TSHZ2: variants seen among roughly 807,000 people sequenced by gnomAD.
The protein encoded by TSHZ2 is teashirt homolog 2.
Under a neutral mutation model 74.4 loss-of-function variants are expected in TSHZ2, and 21 were observed. The ratio of observed to expected loss-of-function variants is 0.28; its 90% CI spans 0.20 to 0.41. The LOEUF (loss-of-function observed/expected upper bound fraction) is 0.41. Among genes scored for constraint, TSHZ2 ranks in the 10% least tolerant of loss-of-function variants. TSHZ2 has a pLI of 1.00. For synonymous variants in TSHZ2, 540 were observed against 515.3 expected, an observed-to-expected ratio of 1.05 and a Z score of -0.65; for missense variants, 1,244 against 1,293.5, an observed-to-expected ratio of 0.96 and a Z score of 0.59.
At chr20:53,094,238 A>G (rs1568756190) in intron 1 of TSHZ2, among the ~76,000 whole-genome samples, 1 of 152,218 alleles carries the variant, frequency 6.6e-6, no homozygotes, top group Non-Finnish European at 1.5e-5. Flanking sequence ...CAACTACTGT[A>G]CTAAGTCATA....
chr20:53,210,251 T>C (rs1300708608), intron 1 of TSHZ2, among the ~76,000 whole-genome samples: 1 of 152,230 alleles, frequency 6.6e-6, no homozygotes, highest in South Asian at 2.1e-4. Flanking sequence ...ACCAGCTCAA[T>C]GGACCCTCTG....
At chr20:53,378,463 G>GA (rs908736275) in intron 2 of TSHZ2, among the ~76,000 whole-genome samples, 20 of 150,460 alleles carry the variant, frequency 1.3e-4, no homozygotes, top group Admixed American at 4.6e-4. Context: ...CTGGAAGCCA[G>GA]AAAAAAAAAC....
chr20:53,462,477 T>TTTTG (rs1361885954), intron 2 of TSHZ2, among the ~76,000 whole-genome samples: 1 of 152,120 alleles, frequency 6.6e-6, no homozygotes, highest in African/African-American at 2.4e-5. Context: ...TCAATAAAGC[T>TTTTG]TTTGTTGTTA....
At chr20:53,106,990 G>A (rs1053637886) in intron 1 of TSHZ2, among the ~76,000 whole-genome samples, 2 of 152,062 alleles carry the variant, frequency 1.3e-5, no homozygotes, top group Admixed American at 1.3e-4. Flanking sequence ...GAGCCACCGC[G>A]CCTGGCCCTT....
chr20:53,005,494 G>A (rs1475011995), intron 1 of TSHZ2, among the ~76,000 whole-genome samples: 1 of 152,142 alleles, frequency 6.6e-6, no homozygotes, highest in African/African-American at 2.4e-5. Flanking sequence ...TACCACTGCT[G>A]TCCCCAGGCA....
At chr20:53,244,145 G>T (rs1213796919) in intron 1 of TSHZ2, among the ~76,000 whole-genome samples, 1 of 151,974 alleles carries the variant, frequency 6.6e-6, no homozygotes, top group Non-Finnish European at 1.5e-5. Context: ...AAATACAGAT[G>T]GTGCAGCAGC....
At chr20:53,475,001 C>G (rs200768431) in intron 2 of TSHZ2, among the ~76,000 whole-genome samples, 9,584 of 137,088 alleles carry the variant, frequency 0.07, 1,116 homozygotes, top group East Asian at 0.18. Context: ...CACCCAGATT[C>G]ATAAAGCAAG....
At chr20:53,095,837 C>T (rs1307483152) in intron 1 of TSHZ2, among the ~76,000 whole-genome samples, 1 of 152,144 alleles carries the variant, frequency 6.6e-6, no homozygotes, top group Admixed American at 6.5e-5. Context: ...GAACCACTGC[C>T]TACTGTTACA....
chr20:53,320,976 A>G lies in TSHZ2; in HGVS notation c.*8+64405A>G, dbSNP rs937288121. Among the ~76,000 whole-genome samples, 37 of 152,224 alleles carry G rather than the reference A, an allele frequency of 2.4e-4. 1 individual carries two copies. The highest frequency in any genetic ancestry group is 2.0e-3 in the Admixed American group (30 of 15,276). On this transcript the variant is annotated intron_variant, in intron 2 of 2. Coordinates refer to ENST00000371497, the MANE Select transcript of TSHZ2 (RefSeq NM_173485.6). ...TAAACTTTTCTCTAGACAAATTAGAAACATAAGTCCCAGTAGAAATGAGAT... is the reference window on the plus strand; with the variant it reads ...TAAACTTTTCTCTAGACAAATTAGAGACATAAGTCCCAGTAGAAATGAGAT...
chr20:53,364,552 T>G (rs1228797670), intron 2 of TSHZ2, among the ~76,000 whole-genome samples: 1 of 152,198 alleles, frequency 6.6e-6, no homozygotes, highest in East Asian at 1.9e-4. Flanking sequence ...CCAGCCAGTT[T>G]TCTCTTCTTC....
chr20:52,997,010 C>T (rs543739416), intron 1 of TSHZ2, among the ~76,000 whole-genome samples: 5 of 151,536 alleles, frequency 3.3e-5, no homozygotes, highest in East Asian at 2.1e-4. Flanking sequence ...CGCTCAAGCA[C>T]GAGGGGGTGG....
chr20:53,447,911 A>AT (rs1212535329), intron 2 of TSHZ2, among the ~76,000 whole-genome samples: 97 of 127,674 alleles, frequency 7.6e-4, no homozygotes, highest in African/African-American at 3.0e-3. Flanking sequence ...GGGAAGAAGA[A>AT]ATTTTTTTTT....
chr20:53,383,255 T>A (rs565300180), intron 2 of TSHZ2, among the ~76,000 whole-genome samples: 7 of 143,648 alleles, frequency 4.9e-5, no homozygotes, highest in African/African-American at 1.6e-4. Context: ...AAAGAGAAAC[T>A]CTGTCTCAAA....
intron 1 of TSHZ2, among the ~76,000 whole-genome samples, chr20:53,135,660 G>C (rs1987228987): frequency 6.6e-6 from 1 of 152,092 alleles, no homozygotes; most frequent in African/African-American, 2.4e-5. Context: ...CAGTACAGTG[G>C]TGCAACCATA....
intron 1 of TSHZ2, among the ~76,000 whole-genome samples, chr20:53,126,710 A>G (rs1986956127): frequency 6.6e-6 from 1 of 152,190 alleles, no homozygotes; most frequent in Non-Finnish European, 1.5e-5. Context: ...TCTTGAAACA[A>G]AATAGCATAT....
At chr20:53,014,217 G>C (rs547153539) in intron 1 of TSHZ2, among the ~76,000 whole-genome samples, 29 of 150,672 alleles carry the variant, frequency 1.9e-4, no homozygotes, top group Non-Finnish European at 3.6e-4. Context: ...GAGAGAGAGA[G>C]AGAGAAGAGA....
At chr20:53,446,891 C>A (rs1477813675) in intron 2 of TSHZ2, among the ~76,000 whole-genome samples, 1 of 152,160 alleles carries the variant, frequency 6.6e-6, no homozygotes, top group Non-Finnish European at 1.5e-5. Context: ...ACAGCTGCCC[C>A]ACTCATGGTT....
intron 1 of TSHZ2, among the ~76,000 whole-genome samples, chr20:53,168,309 A>C (rs1988109557): frequency 6.6e-6 from 1 of 152,204 alleles, no homozygotes; most frequent in South Asian, 2.1e-4. Context: ...ATGACTCCAG[A>C]CATTGTTCTA....
chr20:53,392,212 AG>A (rs1305917426), intron 2 of TSHZ2, among the ~76,000 whole-genome samples: 1 of 152,174 alleles, frequency 6.6e-6, no homozygotes, highest in Non-Finnish European at 1.5e-5. Context: ...CCCAGCACCA[AG>A]GCAGGTGGAT....
Sources: allele counts gnomAD v4.1 joint callset (sites outside exome capture counted in the v4.1 genomes callset), GRCh38; gene constraint gnomAD v4.1.1; transcripts MANE v1.5; gene names NCBI Gene and HGNC (gene_info 2026-07-23, HGNC 2026-07-21).